Variants in SEMA3E observed in about 807,000 individuals in gnomAD.
The protein encoded by SEMA3E is semaphorin-3E.
SEMA3E carries 49 observed loss-of-function variants against 93.6 expected under a neutral mutation model. The observed-to-expected ratio is 0.52, with a 90% CI of 0.42 to 0.66. SEMA3E has a LOEUF of 0.66. Among genes scored for constraint, SEMA3E ranks in the 30% least tolerant of loss-of-function variants. The pLI is 0.00. For synonymous variants in SEMA3E, 363 were observed against 330.7 expected (o/e 1.10, Z -1.06); for missense variants, 906 against 964.8 (o/e 0.94, Z 0.81).
chr7:83,592,139 C>T (rs996052777), intron 1 of SEMA3E, among the ~76,000 whole-genome samples: 3 of 151,876 alleles, frequency 2.0e-5, no homozygotes, highest in African/African-American at 7.2e-5. Flanking sequence ...TTACCATAAG[C>T]TTTAGAAATA....
intron 1 of SEMA3E, among the ~76,000 whole-genome samples, chr7:83,571,676 C>G (rs1005248116): frequency 6.6e-6 from 1 of 152,114 alleles, no homozygotes. Flanking sequence ...GACAAGGATG[C>G]CCACTCTCAC....
rs114112551 is a variant in SEMA3E at position 83,405,224 on chromosome 7, C to T, written c.998+226G>A. On this transcript the variant is annotated intron_variant, in intron 9 of 16. Transcript: ENST00000643230. ...TCAGGATACTGAGCACAGGAGGATT[C>T]TGGGTACTATAAACAGAAACAAGAT... Among the ~76,000 whole-genome samples, 628 of 152,056 alleles carry T rather than the reference C, an allele frequency of 4.1e-3. 7 individuals carry two copies. Among genetic ancestry groups the T allele is most frequent in the African/African-American group, 0.014 (587 of 41,522 alleles).
At chr7:83,592,975 C>T (rs1792783966) in intron 1 of SEMA3E, among the ~76,000 whole-genome samples, 1 of 151,872 alleles carries the variant, frequency 6.6e-6, no homozygotes, top group Admixed American at 6.6e-5. Context: ...TTCTTTTAGA[C>T]AAGGCCTTGC....
At position 83,535,486 on chromosome 7, in the gene SEMA3E, T is replaced by C. The variant is rs191020062; in HGVS notation, c.116-45212A>G. ...ATACAATCTATCAAATATGTTTTGC[T>C]TAGGTAATCACAGCAGTCACAGAAT... On this transcript the variant is annotated intron_variant, in intron 1 of 16. Coordinates refer to ENST00000643230, the MANE Select transcript of SEMA3E (RefSeq NM_012431.3). Among the ~76,000 whole-genome samples the C allele has an allele frequency of 1.8e-3, 269 of 152,168 alleles. 3 individuals are homozygous for C. Among genetic ancestry groups the C allele is most frequent in the African/African-American group, 6.2e-3 (257 of 41,510 alleles).
At chr7:83,507,531 G>A (rs1340846394) in intron 1 of SEMA3E, among the ~76,000 whole-genome samples, 1 of 150,648 alleles carries the variant, frequency 6.6e-6, no homozygotes, top group East Asian at 2.0e-4. Context: ...AGAGACAAAT[G>A]AAGAACCTGA....
At chr7:83,433,950 A>C (rs1788942770) in intron 4 of SEMA3E, among the ~76,000 whole-genome samples, 1 of 152,046 alleles carries the variant, frequency 6.6e-6, no homozygotes, top group Non-Finnish European at 1.5e-5. Context: ...ATTTAAGAAC[A>C]TTTCATAGAT....
chr7:83,384,300 C>T (rs1787837662), intron 16 of SEMA3E, among the ~76,000 whole-genome samples: 1 of 152,028 alleles, frequency 6.6e-6, no homozygotes, highest in Admixed American at 6.6e-5. Flanking sequence ...GTTTAGTCTG[C>T]AGTGCCAAAA....
At position 83,648,916 on chromosome 7, in the gene SEMA3E, C is replaced by T. The variant is rs369516676; in HGVS notation, c.-374G>A. ...AAAAAAAAGAGAGAAAAAAACAAAA[C>T]CGAGCACACGCACTCCCTTCTCCCG... On this transcript the variant is annotated 5_prime_UTR_variant, in exon 1 of 17. Coordinates refer to ENST00000643230, the MANE Select transcript of SEMA3E (RefSeq NM_012431.3). 9.8e-5 allele frequency: 21 copies of T among 213,350 alleles called. No individual in the cohort carries two copies. Among genetic ancestry groups the T allele is most frequent in the Middle Eastern group, 2.0e-3 (1 of 496 alleles). The allele number at this position is 213,350 out of a possible 1,614,324, so 13.2% of individuals were successfully genotyped here.
chr7:83,618,111 CAGAG>C (rs1362893356), intron 1 of SEMA3E, among the ~76,000 whole-genome samples: 1 of 151,966 alleles, frequency 6.6e-6, no homozygotes, highest in South Asian at 2.1e-4. Context: ...GGTGAGAAGT[CAGAG>C]AAGAAAGAAG....
intron 1 of SEMA3E, among the ~76,000 whole-genome samples, chr7:83,600,405 C>T (rs1198921342): frequency 4.6e-5 from 7 of 151,200 alleles, no homozygotes; most frequent in Non-Finnish European, 8.8e-5. Flanking sequence ...CTGCAAGCTC[C>T]GCCTCCAGGG....
chr7:83,553,498 G>C (rs1001373226), intron 1 of SEMA3E, among the ~76,000 whole-genome samples: 5 of 152,114 alleles, frequency 3.3e-5, no homozygotes, highest in African/African-American at 4.8e-5. Context: ...GTTTCTTCCA[G>C]TTAATTTCCT....
At position 83,418,269 on chromosome 7, in the gene SEMA3E, A is replaced by C. The variant is rs2713146; in HGVS notation, c.550+121T>G. On this transcript the variant is annotated intron_variant, in intron 5 of 16. Coordinates refer to ENST00000643230, the MANE Select transcript of SEMA3E (RefSeq NM_012431.3). ...ATTTAATATCATTGCTTCGAGCATC[A>C]GAAAATAGATATGACAAGGCATAGT... The C allele has an allele frequency of 0.6, 477,045 of 790,968 alleles. 148,582 individuals carry two copies. The highest frequency in any genetic ancestry group is 0.82 in the East Asian group (30,209 of 36,656). 49.0% of individuals were successfully genotyped at this position (790,968 alleles called of 1,614,324 possible).
At chr7:83,496,323 T>C (rs1790491121) in intron 1 of SEMA3E, among the ~76,000 whole-genome samples, 1 of 152,008 alleles carries the variant, frequency 6.6e-6, no homozygotes, top group South Asian at 2.1e-4. Context: ...CAGAAATGAA[T>C]GCATTTTTTG....
chr7:83,635,658 A>T (rs1477726809), intron 1 of SEMA3E, among the ~76,000 whole-genome samples: 3 of 151,908 alleles, frequency 2.0e-5, no homozygotes, highest in Admixed American at 2.0e-4. Context: ...TTCTTGGCTT[A>T]TAGATATAGT....
intron 16 of SEMA3E, among the ~76,000 whole-genome samples, chr7:83,374,496 G>C (rs79535192): frequency 3.0e-3 from 461 of 152,210 alleles, no homozygotes; most frequent in African/African-American, 0.01. Flanking sequence ...TGTCAAAGAT[G>C]TGATAGCAAG....
At chr7:83,487,792 T>C (rs951802701) in intron 2 of SEMA3E, among the ~76,000 whole-genome samples, 1 of 151,370 alleles carries the variant, frequency 6.6e-6, no homozygotes, top group African/African-American at 2.4e-5. Context: ...AAAAGAGAAC[T>C]ACATAGAAAA....
At position 83,392,588 on chromosome 7, in the gene SEMA3E, G is replaced by A; in HGVS notation, c.1634C>T (p.Ser545Phe). 6.2e-7 allele frequency: 1 copy of A among 1,613,742 alleles called. No homozygotes were observed. ...ATGTGTGCCTGTTGGGTAATACCGG[G>A]AGCAGGATATGCCATCCCAGGCACA... Reference protein sequence around the residue: ...PYCAWDGISCSRYYPTGTHAK... With the variant: ...PYCAWDGISCFRYYPTGTHAK... The change falls in exon 14 of 17, where the codon TCC (serine) becomes TTC (phenylalanine). Residue 545 changes from serine (S) to phenylalanine (F), a missense_variant. Physicochemically the swap from Ser to Phe is radical, Grantham distance 155. Transcript: ENST00000643230.
At chr7:83,458,923 GTATA>G (rs1789550965) in intron 4 of SEMA3E, among the ~76,000 whole-genome samples, 1 of 129,782 alleles carries the variant, frequency 7.7e-6, no homozygotes, top group East Asian at 2.1e-4. Flanking sequence ...AAATATATAT[GTATA>G]TATGTATATA....
intron 4 of SEMA3E, among the ~76,000 whole-genome samples, chr7:83,434,486 A>C (rs991260637): frequency 2.0e-5 from 3 of 152,212 alleles, no homozygotes; most frequent in Non-Finnish European, 4.4e-5. Flanking sequence ...TCAATACATT[A>C]ACACAGCAAA....
Sources: gnomAD v4.1 joint callset for allele counts (sites outside exome capture counted in the v4.1 genomes callset) on GRCh38, gnomAD v4.1.1 for gene constraint, MANE v1.5 for transcripts, NCBI Gene and HGNC (gene_info 2026-07-23, HGNC 2026-07-21) for gene names.